ZC3H18: variants seen among roughly 807,000 people sequenced by gnomAD.
ZC3H18 encodes the protein zinc finger CCCH domain-containing protein 18.
Under a neutral mutation model 106.1 loss-of-function variants are expected in ZC3H18, and 8 were observed. That is an observed-to-expected ratio of 0.08 (90% confidence interval 0.04 to 0.14). The LOEUF is 0.14. Among genes scored for constraint, ZC3H18 ranks in the 10% least tolerant of loss-of-function variants. The pLI is 1.00. For synonymous variants in ZC3H18, 635 were observed against 522.1 expected (o/e 1.22, Z -2.95); for missense variants, 1,318 against 1,278.4 (o/e 1.03, Z -0.47).
At chr16:88,610,325 C>T (rs145878960) in intron 7 of ZC3H18, among the ~76,000 whole-genome samples, 2 of 152,292 alleles carry the variant, frequency 1.3e-5, no homozygotes, top group East Asian at 3.9e-4. Context: ...CGGCTGTCTC[C>T]TCAGGAGCCC....
chr16:88,624,510 G>T, intron 11 of ZC3H18, 92 bp from the exon 12 acceptor site: 1 of 1,590,336 alleles, frequency 6.3e-7, no homozygotes, highest in Non-Finnish European at 8.6e-7. Flanking sequence ...ATGCAGTGTC[G>T]TTCCCCGAGC....
rs116803632 is a variant in ZC3H18, at chr16:88,590,308, G to A, written c.688+3624G>A. ...TAGAGATTAATCATTTAATCGCTTA[G>A]TGGACACATTGAGATTTGTGACCAA... On this transcript the variant is annotated intron_variant, in intron 3 of 17. Coordinates refer to ENST00000301011, the MANE Select transcript of ZC3H18 (RefSeq NM_144604.4). 7.3e-4 allele frequency among the ~76,000 whole-genome samples: 111 copies of A among 152,294 alleles called. 1 individual carries two copies. Among genetic ancestry groups the A allele is most frequent in the African/African-American group, 2.4e-3 (101 of 41,562 alleles).
chr16:88,621,476 G>A (rs1398678616), intron 8 of ZC3H18, among the ~76,000 whole-genome samples: 6 of 151,656 alleles, frequency 4.0e-5, no homozygotes, highest in East Asian at 1.9e-4. Flanking sequence ...CGCCCGCCTC[G>A]GCCTCCCAAA....
chr16:88,600,320 C>T (rs987808049), intron 6 of ZC3H18, among the ~76,000 whole-genome samples: 3 of 152,236 alleles, frequency 2.0e-5, no homozygotes, highest in Non-Finnish European at 4.4e-5. Flanking sequence ...GAGGTTGCCA[C>T]AAGCCAGGAA....
At chr16:88,601,872 T>A (rs1373552114) in intron 6 of ZC3H18, among the ~76,000 whole-genome samples, 2 of 151,190 alleles carry the variant, frequency 1.3e-5, no homozygotes, top group Non-Finnish European at 2.9e-5. Flanking sequence ...AGTGGCGAGG[T>A]GCCCTGGCTG....
chr16:88,605,559 C>A (rs1904972136), intron 6 of ZC3H18, among the ~76,000 whole-genome samples: 1 of 152,242 alleles, frequency 6.6e-6, no homozygotes, highest in South Asian at 2.1e-4. Context: ...CAGAGCACAG[C>A]CTCCCTCCAC....
chr16:88,617,443 G>A (rs757159760), intron 8 of ZC3H18, among the ~76,000 whole-genome samples: 2 of 152,156 alleles, frequency 1.3e-5, no homozygotes, highest in Non-Finnish European at 2.9e-5. Context: ...CTAAGGGGGC[G>A]GTCCCTTATG....
intron 12 of ZC3H18, 50 bp downstream of exon 12, chr16:88,624,795 C>A: frequency 6.4e-7 from 1 of 1,553,762 alleles, no homozygotes; most frequent in Non-Finnish European, 8.7e-7. Context: ...TTCTTGGTGC[C>A]ACTGTGATGC....
At chr16:88,630,353 C>T (rs897617194) in intron 16 of ZC3H18, 132 bp from the exon 17 acceptor site, 8 of 649,322 alleles carry the variant, frequency 1.2e-5, no homozygotes, top group Non-Finnish European at 7.9e-6. Flanking sequence ...CTTTTTATTT[C>T]TTTATAAAAA....
intron 6 of ZC3H18, among the ~76,000 whole-genome samples, chr16:88,606,655 G>A (rs188247305): frequency 5.9e-5 from 9 of 152,160 alleles, no homozygotes; most frequent in African/African-American, 9.7e-5. Context: ...GGTGTCTCGC[G>A]TGCTGTCCAG....
intron 2 of ZC3H18, among the ~76,000 whole-genome samples, chr16:88,582,692 G>A (rs567442940): frequency 2.5e-4 from 38 of 152,274 alleles, no homozygotes; most frequent in Non-Finnish European, 3.2e-4. Flanking sequence ...GCCCCTTAGC[G>A]TGGTTAGTGT....
At chr16:88,606,753 G>C (rs1905027779) in intron 6 of ZC3H18, among the ~76,000 whole-genome samples, 1 of 152,190 alleles carries the variant, frequency 6.6e-6, no homozygotes, top group African/African-American at 2.4e-5. Context: ...AGTGTGATTT[G>C]AGTAGTGTGC....
chr16:88,591,104 G>A (rs960690104), intron 3 of ZC3H18, among the ~76,000 whole-genome samples: 22 of 151,814 alleles, frequency 1.4e-4, no homozygotes, highest in Non-Finnish European at 2.9e-4. Flanking sequence ...CTGAGTAGTT[G>A]GAACTACAGG....
Position 88,574,898 on chromosome 16 carries a change from C to T in ZC3H18, c.-14-2212C>T, listed in dbSNP as rs539992472. On this transcript the variant is annotated intron_variant, in intron 1 of 17. Coordinates refer to ENST00000301011, the MANE Select transcript of ZC3H18 (RefSeq NM_144604.4). Reference sequence around the variant, plus strand: ...AGGCTGGAGTGCAATGGCGCGATCTCGGCTCACTCCAAGCCCCGCCCCCTG... The same window carrying T: ...AGGCTGGAGTGCAATGGCGCGATCTTGGCTCACTCCAAGCCCCGCCCCCTG... Among the ~76,000 whole-genome samples, 9 of 149,048 alleles carry T rather than the reference C, an allele frequency of 6.0e-5. No individual in the cohort carries two copies. In the South Asian group the frequency reaches 1.3e-3, roughly 21 times the overall value.
chr16:88,616,769 G>C (rs1025392865), intron 8 of ZC3H18, among the ~76,000 whole-genome samples: 1 of 152,086 alleles, frequency 6.6e-6, no homozygotes, highest in African/African-American at 2.4e-5. Context: ...TTTTACCCAG[G>C]GAGATCCATT....
At chr16:88,578,564 G>A (rs1914907427) in intron 2 of ZC3H18, among the ~76,000 whole-genome samples, 1 of 152,062 alleles carries the variant, frequency 6.6e-6, no homozygotes, top group Admixed American at 6.6e-5. Flanking sequence ...CTGGGGAAGG[G>A]GATTGTGCTT....
chr16:88,576,046 G>A (rs11646365), intron 1 of ZC3H18, among the ~76,000 whole-genome samples: 20,466 of 152,066 alleles, frequency 0.13, 1,428 homozygotes, highest in East Asian at 0.24. Flanking sequence ...GACTACAGGC[G>A]CCTGCCACCA....
Position 88,624,007 on chromosome 16 carries a change from C to A in ZC3H18, c.1843C>A (p.His615Asn), listed in dbSNP as rs138970185. The part of the protein sequence containing the change: ...SPSPSPTPSP[H>N]RPSIRTKGEP... The stretch of plus-strand genomic sequence containing the variant: ...GTCCCCGTCCCCAACACCTTCCCCA[C>A]ATAGACCTTCCATCAGAACCAAGGG... Residue 615 changes from histidine (H) to asparagine (N), a missense_variant, in exon 11 of 18, where the codon CAT (histidine) becomes AAT (asparagine). Physicochemically the swap from His to Asn is moderately conservative, Grantham distance 68 (BLOSUM62 1). Around this residue, in one of 6 missense-constraint regions of ZC3H18, gnomAD observed 848 missense variants for 821.7 expected, o/e 1.03. Transcript: ENST00000301011. 1.9e-6 allele frequency: 3 copies of A among 1,614,122 alleles called. No individual in the cohort carries two copies. The highest frequency in any genetic ancestry group is 2.2e-5 in the South Asian group (2 of 91,086).
chr16:88,623,732 C>G (rs1032576473), intron 10 of ZC3H18: 1 of 744,792 alleles, frequency 1.3e-6, no homozygotes, highest in Non-Finnish European at 2.0e-6. Flanking sequence ...TGACACTCGC[C>G]TCCCGGAGGA....
Sources: gnomAD v4.1 joint callset for allele counts (sites outside exome capture counted in the v4.1 genomes callset) on GRCh38, gnomAD v4.1.1 for gene constraint, gnomAD v4.1.1 regional missense constraint, MANE v1.5 for transcripts, NCBI Gene and HGNC (gene_info 2026-07-23, HGNC 2026-07-21) for gene names.